IQCJ: variants seen among roughly 807,000 people sequenced by gnomAD.
IQCJ encodes the protein IQ motif containing J.
A neutral mutation model predicts 11.0 loss-of-function variants in IQCJ; 9 were observed. The ratio of observed to expected loss-of-function variants is 0.82; its 90% CI spans 0.49 to 1.43. IQCJ has a LOEUF of 1.43. Among genes scored for constraint, IQCJ ranks in the 40% most tolerant of loss-of-function variants. The probability of loss-of-function intolerance (pLI) is 0.00; values close to 1 mark genes in which losing one functional copy is unlikely to be tolerated. For synonymous variants in IQCJ, 55 were observed against 51.3 expected, an observed-to-expected ratio of 1.07 and a Z score of -0.31; for missense variants, 146 against 133.2, an observed-to-expected ratio of 1.10 and a Z score of -0.47.
chr3:159,140,300 G>A (rs981253760), intron 1 of IQCJ, among the ~76,000 whole-genome samples: 1 of 152,110 alleles, frequency 6.6e-6, no homozygotes, highest in Non-Finnish European at 1.5e-5. Context: ...CAATGATAAA[G>A]GCCTTCTGAC....
chr3:159,117,619 G>T (rs375315875), intron 1 of IQCJ, among the ~76,000 whole-genome samples: 1 of 152,174 alleles, frequency 6.6e-6, no homozygotes, highest in African/African-American at 2.4e-5. Flanking sequence ...TCAGGTTCTG[G>T]TTCTGGTTCT....
intron 1 of IQCJ, among the ~76,000 whole-genome samples, chr3:159,073,028 G>A (rs1307393143): frequency 6.6e-6 from 1 of 151,804 alleles, no homozygotes; most frequent in African/African-American, 2.4e-5. Context: ...AGACAAATGG[G>A]GAAGGAAGCA....
At chr3:159,165,757 G>A (rs1263318173) in intron 1 of IQCJ, among the ~76,000 whole-genome samples, 1 of 150,480 alleles carries the variant, frequency 6.6e-6, no homozygotes, top group East Asian at 1.9e-4. Flanking sequence ...GGGACTACAG[G>A]CATGTGCCAC....
chr3:159,206,656 C>G (rs1393394408), intron 1 of IQCJ, among the ~76,000 whole-genome samples: 1 of 152,164 alleles, frequency 6.6e-6, no homozygotes, highest in Non-Finnish European at 1.5e-5. Context: ...CTACCACATT[C>G]CCTAAACTTG....
At chr3:159,150,352 G>A (rs1721138745) in intron 1 of IQCJ, among the ~76,000 whole-genome samples, 1 of 152,122 alleles carries the variant, frequency 6.6e-6, no homozygotes, top group African/African-American at 2.4e-5. Flanking sequence ...CATCCAGGGA[G>A]GAGCAAGCTG....
At chr3:159,139,546 A>G (rs1403438816) in intron 1 of IQCJ, among the ~76,000 whole-genome samples, 1 of 152,184 alleles carries the variant, frequency 6.6e-6, no homozygotes, top group African/African-American at 2.4e-5. Flanking sequence ...TCTACTTGCC[A>G]AAGTTCTGCC....
At chr3:159,219,538 G>A (rs1187254450) in intron 1 of IQCJ, among the ~76,000 whole-genome samples, 1 of 152,146 alleles carries the variant, frequency 6.6e-6, no homozygotes, top group Non-Finnish European at 1.5e-5. Flanking sequence ...TTCAGAAGAG[G>A]AGGAGAAGGT....
chr3:159,236,538 G>A (rs762575815), intron 1 of IQCJ, among the ~76,000 whole-genome samples: 1 of 152,170 alleles, frequency 6.6e-6, no homozygotes, highest in Non-Finnish European at 1.5e-5. Flanking sequence ...AAGTTGGGCT[G>A]TGCAGCTGGG....
intron 1 of IQCJ, among the ~76,000 whole-genome samples, chr3:159,116,969 A>C (rs915133416): frequency 3.9e-5 from 6 of 152,070 alleles, no homozygotes; most frequent in African/African-American, 1.4e-4. Context: ...GTAGGGAGGA[A>C]AGGAAAGTAG....
At chr3:159,265,016 T>C (rs1728420875), downstream of IQCJ, among the ~76,000 whole-genome samples, 1 of 152,190 alleles carries the variant, frequency 6.6e-6, no homozygotes, top group African/African-American at 2.4e-5. Flanking sequence ...ATTATAACAA[T>C]GACTTAAATA....
chr3:159,261,369 TC>T (rs1728194264), intron 3 of IQCJ, among the ~76,000 whole-genome samples: 1 of 152,176 alleles, frequency 6.6e-6, no homozygotes, highest in South Asian at 2.1e-4. Context: ...GATGTTAATC[TC>T]AAAGATCACA....
At chr3:159,213,442 T>C (rs1176462836) in intron 1 of IQCJ, among the ~76,000 whole-genome samples, 1 of 152,146 alleles carries the variant, frequency 6.6e-6, no homozygotes, top group Admixed American at 6.5e-5. Context: ...ATGAAATGGA[T>C]CTCAAGGCGC....
intron 1 of IQCJ, among the ~76,000 whole-genome samples, chr3:159,138,542 C>T (rs1720426378): frequency 6.6e-6 from 1 of 152,190 alleles, no homozygotes; most frequent in Non-Finnish European, 1.5e-5. Flanking sequence ...TTTTTAAATA[C>T]TCCGTGTGTG....
chr3:159,155,825 A>G (rs574500825), intron 1 of IQCJ, among the ~76,000 whole-genome samples: 78 of 152,216 alleles, frequency 5.1e-4, no homozygotes, highest in Non-Finnish European at 9.3e-4. Context: ...AAATAAAGCA[A>G]TCCTGGACTT....
intron 1 of IQCJ, among the ~76,000 whole-genome samples, chr3:159,186,779 T>A (rs1403471778): frequency 6.6e-6 from 1 of 152,274 alleles, no homozygotes; most frequent in Non-Finnish European, 1.5e-5. Context: ...AGCAAATTTC[T>A]CACTCATCAA....
chr3:159,080,269 G>C (rs1002994320), intron 1 of IQCJ, among the ~76,000 whole-genome samples: 7 of 152,036 alleles, frequency 4.6e-5, no homozygotes, highest in Non-Finnish European at 7.4e-5. Context: ...AAGTTACTAT[G>C]AGCACACTTC....
rs73877549 is a variant in IQCJ at position 159,197,913 on chromosome 3, A to T, written c.10-47930A>T. 4.8e-3 allele frequency among the ~76,000 whole-genome samples: 724 copies of T among 151,780 alleles called. 5 individuals are homozygous for T. The highest frequency in any genetic ancestry group is 0.017 in the African/African-American group (683 of 41,370). On this transcript the variant is annotated intron_variant, in intron 1 of 3. Coordinates refer to ENST00000397832, the MANE Select transcript of IQCJ (RefSeq NM_001042706.3). ...TTAAATGTTAGAAACCAAATCAAAA[A>T]TTTTTTTTTACTATTATAGCACACA...
intron 1 of IQCJ, among the ~76,000 whole-genome samples, chr3:159,205,679 G>A (rs925369384): frequency 6.6e-6 from 1 of 152,162 alleles, no homozygotes; most frequent in African/African-American, 2.4e-5. Flanking sequence ...TTTTTGGTAG[G>A]GTTAAATCCT....
chr3:159,172,962 A>G (rs1011869928), intron 1 of IQCJ, among the ~76,000 whole-genome samples: 4 of 152,194 alleles, frequency 2.6e-5, no homozygotes, highest in African/African-American at 9.7e-5. Context: ...TGCGTAAGAC[A>G]ATATATAACA....
Sources: gnomAD v4.1 joint callset for allele counts (sites outside exome capture counted in the v4.1 genomes callset) on GRCh38, gnomAD v4.1.1 for gene constraint, MANE v1.5 for transcripts, NCBI Gene and HGNC (gene_info 2026-07-23, HGNC 2026-07-21) for gene names.